Variants in TP53TG5 observed in about 807,000 individuals in gnomAD.
The protein encoded by TP53TG5 is TP53 target 5, also known as TP53-target gene 5 protein.
TP53TG5 carries 17 observed loss-of-function variants against 30.0 expected under a neutral mutation model. That is an observed-to-expected ratio of 0.57 (90% CI 0.39 to 0.85). TP53TG5 has a LOEUF of 0.85. TP53TG5 is among the 40% of genes least tolerant of loss of function. The probability of loss-of-function intolerance (pLI) is 0.00; values close to 1 mark genes in which losing one functional copy is unlikely to be tolerated. For missense variants in TP53TG5, 338 were observed against 367.9 expected (o/e 0.92, Z 0.67); for synonymous variants, 137 against 139.2 (o/e 0.98, Z 0.11).
In TP53TG5 at chr20:45,375,265, C is replaced by G; in HGVS notation, c.542G>C (p.Gly181Ala). The G allele has an allele frequency of 1.2e-6, 2 of 1,614,122 alleles. No individual in the cohort carries two copies. Among genetic ancestry groups the G allele is most frequent in the Non-Finnish European group, 1.7e-6 (2 of 1,180,008 alleles). ...GVQGRQPLTE[G>A]PRVIFIKPYR... ...GGGCTTAATGAAGATGACTCGGGGG[C>G]CCTCGGTGAGTGGTTGCCTCCCCTG... is the stretch of plus-strand genomic sequence containing the variant. Residue 181 changes from glycine to alanine, a missense_variant, in exon 4 of 5, where the codon GGC becomes GCC. Coordinates refer to ENST00000372726, the MANE Select transcript of TP53TG5 (RefSeq NM_014477.3).
chr20:45,377,887 A>G (rs952693925), intron 1 of TP53TG5, among the ~76,000 whole-genome samples: 1 of 152,224 alleles, frequency 6.6e-6, no homozygotes, highest in Non-Finnish European at 1.5e-5. Flanking sequence ...GGCTGCAGTC[A>G]GCTGAGATCT....
At chr20:45,377,934 A>G (rs571287118) in intron 1 of TP53TG5, among the ~76,000 whole-genome samples, 1 of 152,284 alleles carries the variant, frequency 6.6e-6, no homozygotes, top group East Asian at 1.9e-4. Flanking sequence ...AGAGTGAGGC[A>G]CTGGAGGAAT....
rs1988711686 is a variant in TP53TG5, at chr20:45,375,732, G to A, written c.255-180C>T. ...AGGAGGTGTGATGAGCACTAGCAGAGGGATGTGAGAGATTGGGAAGGTGAA... is the reference window on the plus strand; with the variant it reads ...AGGAGGTGTGATGAGCACTAGCAGAAGGATGTGAGAGATTGGGAAGGTGAA... On this transcript the variant is annotated intron_variant, in intron 3 of 4. Transcript: ENST00000372726. The A allele has an allele frequency of 5.8e-6, 4 of 691,400 alleles. No individual in the cohort carries two copies. In the Admixed American group the frequency reaches 8.8e-5, roughly 15 times the overall value. 42.8% of individuals were successfully genotyped at this position (691,400 alleles called of 1,614,324 possible). A position where few individuals can be genotyped will look rare whatever the true frequency, so the allele number is the denominator to read the frequency against.
chr20:45,376,059 A>G (rs1010912646), intron 3 of TP53TG5: 1 of 153,466 alleles, frequency 6.5e-6, no homozygotes, highest in African/African-American at 2.4e-5. Context: ...CAGCCTGGGC[A>G]ACATGGTGAG....
intron 4 of TP53TG5, chr20:45,374,244 A>C (rs1372618684): frequency 1.5e-6 from 1 of 688,520 alleles, no homozygotes; most frequent in Non-Finnish European, 2.6e-6. Flanking sequence ...TTTTTTGCTA[A>C]GGAACTTTCT....
At position 45,375,353 on chromosome 20, in the gene TP53TG5, C is replaced by G. The variant is rs755727531; in HGVS notation, c.454G>C (p.Glu152Gln). The change falls in exon 4 of 5, where the codon GAA becomes CAA. Residue 152 changes from glutamate (E) to glutamine (Q), a missense_variant. Transcript: ENST00000372726. ...KTSLAAMPRK[E>Q]KHIEPEVPRT... ...GGAACCTCAGGCTCTATATGCTTTT[C>G]TTTCCGTGGCATTGCCGCCAATGAC... is the stretch of plus-strand genomic sequence containing the variant. 1.9e-6 allele frequency: 3 copies of G among 1,614,172 alleles called. No homozygotes were observed. The highest frequency in any genetic ancestry group is 2.5e-6 in the Non-Finnish European group (3 of 1,180,028).
chr20:45,373,718 G>C lies in TP53TG5; in HGVS notation c.*189C>G, dbSNP rs1394289479. On this transcript the variant is annotated 3_prime_UTR_variant, in exon 5 of 5. Transcript: ENST00000372726. ...ACTCAGGAGACTAGCTCGCGGAGGT[G>C]GGGGAGGGGTGCTGCTCGCTGGCTT... 1.2e-5 allele frequency: 7 copies of C among 605,260 alleles called. No individual in the cohort carries two copies. The highest frequency in any genetic ancestry group is 2.8e-5 in the East Asian group (1 of 36,164). 37.5% of individuals were successfully genotyped at this position (605,260 alleles called of 1,614,324 possible). A position where few individuals can be genotyped will look rare whatever the true frequency, so the allele number is the denominator to read the frequency against.
chr20:45,374,168 G>T, intron 4 of TP53TG5, 157 bp from the exon 5 acceptor site: 1 of 688,156 alleles, frequency 1.5e-6, no homozygotes, highest in Non-Finnish European at 2.6e-6. Flanking sequence ...AGACCCGGTG[G>T]GCACTCACCC....
chr20:45,377,298 G>T lies in TP53TG5; in HGVS notation c.168C>A (p.Asn56Lys). The T allele has an allele frequency of 6.2e-7, 1 of 1,614,182 alleles. No individual in the cohort carries two copies. The highest frequency in any genetic ancestry group is 1.1e-5 in the South Asian group (1 of 91,076). ...GCTTATGCAGTTCTTGGATCCGGCG[G>T]TTTGAGCTCTTGAGTAGCTTCAAGA... Reference protein sequence around the residue: ...LSLLKLLKSSNRRIQELHKLA... With the variant: ...LSLLKLLKSSKRRIQELHKLA... Residue 56 changes from asparagine to lysine, a missense_variant, in exon 3 of 5, where the codon AAC (asparagine) becomes AAA (lysine). Physicochemically the swap from Asn to Lys is moderately conservative, Grantham distance 94. Coordinates refer to ENST00000372726, the MANE Select transcript of TP53TG5 (RefSeq NM_014477.3).
chr20:45,374,985 C>T (rs1669379317), intron 4 of TP53TG5, 54 bp downstream of exon 4: 6 of 1,569,200 alleles, frequency 3.8e-6, no homozygotes, highest in Admixed American at 3.5e-5. Context: ...CAGCTCTGGG[C>T]CTGGCTTGGG....
chr20:45,375,512 CTTCATT>C lies in TP53TG5; in HGVS notation c.289_294del (p.Asn97_Glu98del). On this transcript the variant is annotated inframe_deletion, in exon 4 of 5. Coordinates refer to ENST00000372726, the MANE Select transcript of TP53TG5 (RefSeq NM_014477.3). ...TCGGAGCACCCGATCTCCTGGAACT[CTTCATT>C]ATTTTGTTTTGTTTTATTGCAGGCA... 2 of 1,567,236 alleles carry C rather than the reference CTTCATT, an allele frequency of 1.3e-6. No individual in the cohort carries two copies. Among genetic ancestry groups the C allele is most frequent in the Non-Finnish European group, 1.7e-6 (2 of 1,151,708 alleles).
rs1390045209 is a variant in TP53TG5, at chr20:45,377,204, C to T, written c.254+8G>A. On this transcript the variant is annotated splice_region_variant and intron_variant, in intron 3 of 4. Coordinates refer to ENST00000372726, the MANE Select transcript of TP53TG5 (RefSeq NM_014477.3). Reference sequence around the variant, plus strand: ...TGGGTCCATTATGGGGGCCAGGCCCCAGCTTACCCAGAGGAGATGCGGAGA... The same window carrying T: ...TGGGTCCATTATGGGGGCCAGGCCCTAGCTTACCCAGAGGAGATGCGGAGA... 3.7e-6 allele frequency: 6 copies of T among 1,613,230 alleles called. No individual in the cohort carries two copies. The African/African-American group carries it at 5.3e-5, about 14-fold the overall frequency.
In TP53TG5 at chr20:45,377,532, G is replaced by A. The variant is rs373642512; in HGVS notation, c.123+7C>T. 2.2e-5 allele frequency: 35 copies of A among 1,613,774 alleles called. No homozygotes were observed. The highest frequency in any genetic ancestry group is 8.3e-5 in the Admixed American group (5 of 59,966). ...CCCCAAGCTGGGGCCAAAACAGGGC[G>A]TCTCACCGTTCTCAGACGGTTCCGC... is the stretch of plus-strand genomic sequence containing the variant. On this transcript the variant is annotated splice_region_variant and intron_variant, in intron 2 of 4. Transcript: ENST00000372726.
Position 45,373,814 on chromosome 20 carries a change from C to T in TP53TG5, c.*93G>A. ...GAAGCCTGAAGTCGCGACACAGGCT[C>T]CCTCTACCGAAGGCCTCTTTCCTTC... On this transcript the variant is annotated 3_prime_UTR_variant, in exon 5 of 5. Transcript: ENST00000372726. 2 of 1,238,552 alleles carry T rather than the reference C, an allele frequency of 1.6e-6. No individual in the cohort carries two copies. Among genetic ancestry groups the T allele is most frequent in the African/African-American group, 1.5e-5 (1 of 67,768 alleles). The allele number at this position is 1,238,552 out of a possible 1,614,324, so 76.7% of individuals were successfully genotyped here. A position where few individuals can be genotyped will look rare whatever the true frequency, so the allele number is the denominator to read the frequency against.
In TP53TG5 at chr20:45,375,432, CTCTTTTT is replaced by C. The variant is rs759440259; in HGVS notation, c.368_374del (p.Lys123SerfsTer13). On this transcript the variant is annotated frameshift_variant, in exon 4 of 5. Coordinates refer to ENST00000372726, the MANE Select transcript of TP53TG5 (RefSeq NM_014477.3). LOFTEE classifies it high-confidence loss of function. The stretch of plus-strand genomic sequence containing the variant: ...GCACCTGGGACTTCCACTCCTTGTA[CTCTTTTT>C]TCTTAGGGTCCCCTGTGGACTCTAA... 1.4e-5 allele frequency: 22 copies of C among 1,614,054 alleles called. No individual in the cohort carries two copies. In the Admixed American group the frequency reaches 3.7e-4, roughly 27 times the overall value.
intron 3 of TP53TG5, 97 bp from the exon 4 acceptor site, chr20:45,375,649 A>G (rs1296738992): frequency 6.9e-7 from 1 of 1,459,794 alleles, no homozygotes; most frequent in Non-Finnish European, 9.1e-7. Context: ...CTGTTAAGAA[A>G]GGCTAGAGGG....
intron 4 of TP53TG5, chr20:45,374,374 C>T (rs898113345): frequency 1.6e-6 from 1 of 639,788 alleles, no homozygotes; most frequent in Non-Finnish European, 2.8e-6. Context: ...TGGGCTTAAG[C>T]GATCCTCCGA....
intron 4 of TP53TG5, chr20:45,374,282 T>A: frequency 1.5e-6 from 1 of 678,144 alleles, no homozygotes; most frequent in Non-Finnish European, 2.7e-6. Context: ...TTTTCCTTTC[T>A]TTTTTTTTAA....
intron 3 of TP53TG5, chr20:45,376,281 T>G (rs1988730872): frequency 6.6e-6 from 1 of 152,230 alleles, no homozygotes; most frequent in South Asian, 2.1e-4. Flanking sequence ...AAACCCCCAG[T>G]GGCAACACCA....
Sources: allele counts gnomAD v4.1 joint callset (sites outside exome capture counted in the v4.1 genomes callset), GRCh38; gene constraint gnomAD v4.1.1; transcripts MANE v1.5; gene names NCBI Gene and HGNC (gene_info 2026-07-23, HGNC 2026-07-21).